Variants in RBM10 observed in about 807,000 individuals in gnomAD.
RBM10 encodes RNA-binding protein 10.
A neutral mutation model predicts 84.9 loss-of-function variants in RBM10; 1 was observed. The observed-to-expected ratio is 0.01, with a 90% CI of 0.00 to 0.06. The LOEUF (loss-of-function observed/expected upper bound fraction) is 0.06, where lower values mean the gene tolerates loss of function less well. RBM10 is among the 10% of genes least tolerant of loss of function. RBM10 has a pLI of 1.00. For missense variants in RBM10, 438 were observed against 839.0 expected, an observed-to-expected ratio of 0.52 and a Z score of 5.90; for synonymous variants, 326 against 344.5, an observed-to-expected ratio of 0.95 and a Z score of 0.60.
chrX:47,176,991 G>A (rs892598758), intron 7 of RBM10, among the ~76,000 whole-genome samples: 7 of 111,417 alleles, frequency 6.3e-5, no homozygotes, highest in African/African-American at 1.3e-4. Context: ...ATCCCAGATC[G>A]GCCTTGATTT....
At position 47,186,355 on chromosome X, in the gene RBM10, C is replaced by T. The variant is rs1935906642; in HGVS notation, c.2635C>T (p.Arg879Cys). The T allele has an allele frequency of 8.4e-7, 1 of 1,197,199 alleles. No individual in the cohort carries two copies. The highest frequency in any genetic ancestry group is 1.1e-6 in the Non-Finnish European group (1 of 887,779). The stretch of plus-strand genomic sequence containing the variant: ...CTGGAAAGAGGGCAGCGGCCTGGGC[C>T]GCAAGAAGCAGGGCATTGTAACGCC... Reference protein sequence around the residue: ...MGWKEGSGLGRKKQGIVTPIE... With the variant: ...MGWKEGSGLGCKKQGIVTPIE... Residue 879 changes from arginine (R) to cysteine (C), a missense_variant, in exon 23 of 24, where the codon CGC becomes TGC. Transcript: ENST00000377604.
chrX:47,173,064 C>T (rs1934790454), intron 4 of RBM10, 64 bp from the exon 5 acceptor site: 2 of 1,208,243 alleles, frequency 1.7e-6, no homozygotes, highest in Admixed American at 2.2e-5. Context: ...GGCCTCCAGC[C>T]AGCCTCAGGT....
chrX:47,158,716 T>A (rs1329352560), intron 2 of RBM10, among the ~76,000 whole-genome samples: 2 of 111,966 alleles, frequency 1.8e-5, no homozygotes, highest in Admixed American at 1.9e-4. Context: ...CAGGTTTTTT[T>A]ACATGGGTAA....
chrX:47,171,702 T>C (rs1556773402), intron 4 of RBM10, among the ~76,000 whole-genome samples: 1 of 112,445 alleles, frequency 8.9e-6, no homozygotes, highest in African/African-American at 3.2e-5. Context: ...CATCCTTTTT[T>C]GTCAGCAGCC....
At chrX:47,155,730 CAAAAAAA>C (rs1245227933) in intron 2 of RBM10, among the ~76,000 whole-genome samples, 1 of 28,804 alleles carries the variant, frequency 3.5e-5, no homozygotes, top group African/African-American at 1.3e-4. Flanking sequence ...GACTCCATCT[CAAAAAAA>C]AAAAAAAAAA....
intron 2 of RBM10, among the ~76,000 whole-genome samples, chrX:47,166,779 CTT>C (rs782819269): frequency 5.1e-4 from 46 of 90,898 alleles, no homozygotes; most frequent in Middle Eastern, 6.0e-3. Flanking sequence ...GCAAAATTTT[CTT>C]TTTTTTTTTT....
At chrX:47,147,038 A>G (rs782017027) in intron 1 of RBM10, among the ~76,000 whole-genome samples, 1 of 111,417 alleles carries the variant, frequency 9.0e-6, no homozygotes, top group Admixed American at 9.5e-5. Context: ...CCAGGCTTGA[A>G]TTTGTCTACC....
At chrX:47,180,872 G>A (rs183066819) in intron 12 of RBM10, among the ~76,000 whole-genome samples, 35 of 111,373 alleles carry the variant, frequency 3.1e-4, no homozygotes, top group African/African-American at 9.5e-4. Flanking sequence ...TAAAAATAAC[G>A]TATAAGTGGT....
At chrX:47,159,338 G>T (rs1219811569) in intron 2 of RBM10, among the ~76,000 whole-genome samples, 3 of 108,519 alleles carry the variant, frequency 2.8e-5, no homozygotes, top group Non-Finnish European at 5.8e-5. Context: ...GAACCAGGAG[G>T]TGGAGGTTGC....
intron 2 of RBM10, among the ~76,000 whole-genome samples, chrX:47,154,641 G>A (rs1299687290): frequency 1.8e-5 from 2 of 108,819 alleles, no homozygotes; most frequent in East Asian, 2.9e-4. Flanking sequence ...AGTAGAGACG[G>A]GGTTTCACCA....
chrX:47,175,442 T>C (rs1344121857), intron 6 of RBM10, among the ~76,000 whole-genome samples: 1 of 110,459 alleles, frequency 9.1e-6, no homozygotes, highest in Non-Finnish European at 1.9e-5. Context: ...CACCCCTCTC[T>C]GGGGTTAGCC....
At chrX:47,170,180 TG>T (rs1405815329) in intron 3 of RBM10, among the ~76,000 whole-genome samples, 6 of 113,315 alleles carry the variant, frequency 5.3e-5, no homozygotes, top group Non-Finnish European at 9.4e-5. Context: ...AGCCCAGCCC[TG>T]GGGGGCAGTC....
chrX:47,145,711 C>T (rs1290495954), intron 1 of RBM10, among the ~76,000 whole-genome samples: 1 of 75,997 alleles, frequency 1.3e-5, no homozygotes, highest in East Asian at 4.9e-4. Context: ...TGGGTGCATG[C>T]GGGTTGGGGG....
intron 5 of RBM10, among the ~76,000 whole-genome samples, chrX:47,174,163 G>A (rs964699641): frequency 9.2e-6 from 1 of 108,409 alleles, no homozygotes; most frequent in Non-Finnish European, 1.9e-5. Flanking sequence ...GTCTTGCTCT[G>A]CATCACCCCA....
At chrX:47,145,636 G>GGTT (rs1932084180) in intron 1 of RBM10, 151 bp downstream of exon 1, 2 of 52,615 alleles carry the variant, frequency 3.8e-5, no homozygotes, top group African/African-American at 1.1e-4. Flanking sequence ...TTTTTTTTTG[G>GGTT]TTTTTTTTTT....
intron 2 of RBM10, among the ~76,000 whole-genome samples, chrX:47,168,057 T>C (rs1317509971): frequency 5.3e-5 from 6 of 112,361 alleles, no homozygotes; most frequent in African/African-American, 1.9e-4. Context: ...CCTGTTAGTA[T>C]AGTAGCATTC....
chrX:47,163,093 A>G (rs1364878439), intron 2 of RBM10, among the ~76,000 whole-genome samples: 2 of 110,438 alleles, frequency 1.8e-5, no homozygotes, highest in Non-Finnish European at 3.8e-5. Flanking sequence ...AGGTCTAATC[A>G]TGAGAACACA....
At chrX:47,158,426 C>T (rs1243547452) in intron 2 of RBM10, among the ~76,000 whole-genome samples, 3 of 111,432 alleles carry the variant, frequency 2.7e-5, no homozygotes, top group African/African-American at 6.5e-5. Flanking sequence ...TTTTTTCATA[C>T]GCAGTTTCAC....
intron 2 of RBM10, among the ~76,000 whole-genome samples, chrX:47,165,984 C>T (rs1934167617): frequency 1.8e-5 from 2 of 110,375 alleles, no homozygotes; most frequent in South Asian, 7.7e-4. Flanking sequence ...TGTGCCACTG[C>T]ACTCCAGCCT....
Sources: allele counts gnomAD v4.1 joint callset (sites outside exome capture counted in the v4.1 genomes callset), GRCh38; gene constraint gnomAD v4.1.1; transcripts MANE v1.5; gene names NCBI Gene and HGNC (gene_info 2026-07-23, HGNC 2026-07-21).